Variants in FCSK observed in about 807,000 individuals in gnomAD.
FCSK encodes fucose kinase, also known as L-fucose kinase.
A neutral mutation model predicts 122.5 loss-of-function variants in FCSK; 123 were observed. The ratio of observed to expected loss-of-function variants is 1.00; its 90% CI spans 0.87 to 1.17. FCSK has a LOEUF of 1.17. FCSK is among the 50% of genes most tolerant of loss of function. The pLI, the probability that FCSK is intolerant of heterozygous loss-of-function variation, is 0.00. For synonymous variants in FCSK, 620 were observed against 625.5 expected (o/e 0.99, Z 0.13); for missense variants, 1,366 against 1,450.4 (o/e 0.94, Z 0.95).
chr16:70,471,461 C>T (rs2048617013), intron 13 of FCSK, 109 bp downstream of exon 13: 4 of 1,178,084 alleles, frequency 3.4e-6, no homozygotes, highest in Non-Finnish European at 3.5e-6. Context: ...GCCCGTGGGA[C>T]AGGCTGTGAG....
chr16:70,474,677 C>G lies in FCSK; in HGVS notation c.2138C>G (p.Ala713Gly), dbSNP rs752968614. The change falls in exon 17 of 24, where the codon GCC becomes GGC. Residue 713 changes from alanine to glycine, a missense_variant. Ala to Gly is a moderately conservative substitution (Grantham distance 60, BLOSUM62 0). Coordinates refer to ENST00000288078, the MANE Select transcript of FCSK (RefSeq NM_145059.3). ...PGQWVVAECP[A>G]RVDFSGGWSD... is the part of the protein sequence containing the mutation. ...CAGTGGGTGGTGGCTGAGTGCCCGGCCCGTGTGGATTTCTCTGGTGAGCCC... is the reference window on the plus strand; with the variant it reads ...CAGTGGGTGGTGGCTGAGTGCCCGGGCCGTGTGGATTTCTCTGGTGAGCCC... 2.7e-5 allele frequency: 43 copies of G among 1,601,050 alleles called. No homozygotes were observed. Among genetic ancestry groups the G allele is most frequent in the Non-Finnish European group, 3.7e-5 (43 of 1,174,464 alleles).
chr16:70,460,588 A>G (rs1375430512), intron 1 of FCSK, among the ~76,000 whole-genome samples: 1 of 151,738 alleles, frequency 6.6e-6, no homozygotes, highest in Non-Finnish European at 1.5e-5. Flanking sequence ...TATTTTTATT[A>G]GAGACGGGGT....
rs1184678664 is a variant in FCSK, at chr16:70,468,845, C to A, written c.664-4C>A. 1 of 1,613,904 alleles carries A rather than the reference C, an allele frequency of 6.2e-7. No individual in the cohort carries two copies. Among genetic ancestry groups the A allele is most frequent in the Non-Finnish European group, 8.5e-7 (1 of 1,180,000 alleles). Reference sequence around the variant, plus strand: ...ATCTCTGATCCTTTTGGGGTCCCTTCCAGGTCTCTGGGGTTGTCTTCTTCT... The same window carrying A: ...ATCTCTGATCCTTTTGGGGTCCCTTACAGGTCTCTGGGGTTGTCTTCTTCT... On this transcript the variant is annotated splice_region_variant and splice_polypyrimidine_tract_variant and intron_variant, in intron 8 of 23. Coordinates refer to ENST00000288078, the MANE Select transcript of FCSK (RefSeq NM_145059.3).
chr16:70,467,389 G>GCTTCCGGGGAGCCAGAGTGATCGCC lies in FCSK; in HGVS notation c.503_527dup (p.Pro180GlnfsTer21), dbSNP rs763472309. 8 of 1,609,468 alleles carry GCTTCCGGGGAGCCAGAGTGATCGCC rather than the reference G, an allele frequency of 5.0e-6. No homozygotes were observed. Among genetic ancestry groups the GCTTCCGGGGAGCCAGAGTGATCGCC allele is most frequent in the Non-Finnish European group, 4.2e-6 (5 of 1,178,354 alleles). On this transcript the variant is annotated frameshift_variant, in exon 7 of 24. Coordinates refer to ENST00000288078, the MANE Select transcript of FCSK (RefSeq NM_145059.3). LOFTEE classifies it high-confidence loss of function. ...CACCCCACAGGTATCAGCTGGGACA[G>GCTTCCGGGGAGCCAGAGTGATCGCC]CTTCCGGGGAGCCAGAGTGATCGCC...
intron 1 of FCSK, among the ~76,000 whole-genome samples, chr16:70,457,263 CT>C (rs995412964): frequency 3.1e-4 from 47 of 151,832 alleles, no homozygotes; most frequent in African/African-American, 1.1e-3. Context: ...TGGGGCATTT[CT>C]TTTTTTTCTT....
intron 20 of FCSK, chr16:70,477,577 C>T (rs996116583): frequency 6.6e-6 from 1 of 152,206 alleles, no homozygotes; most frequent in Non-Finnish European, 1.5e-5. Context: ...AAGAGAAAAA[C>T]AGATCCTGAT....
At chr16:70,472,676 C>G (rs931783572) in intron 14 of FCSK, 71 bp downstream of exon 14, 8 of 1,237,208 alleles carry the variant, frequency 6.5e-6, no homozygotes, top group African/African-American at 6.0e-5. Context: ...TGAGGTGTGT[C>G]CCTCCCCTGC....
rs930592464 is a variant in FCSK, at chr16:70,461,395, C to T, written c.-22-1774C>T. Among the ~76,000 whole-genome samples, 16 of 148,382 alleles carry T rather than the reference C, an allele frequency of 1.1e-4. 1 individual carries two copies. Among genetic ancestry groups the T allele is most frequent in the Admixed American group, 2.0e-4 (3 of 14,776 alleles). On this transcript the variant is annotated intron_variant, in intron 1 of 23. Transcript: ENST00000288078. ...TGGGTACTCCTGGGGGACTCGGTCT[C>T]GGGGAGGCCAGGGGCTCAGGAGTCA...
intron 11 of FCSK, 103 bp from the exon 12 acceptor site, chr16:70,470,868 C>A: frequency 1.0e-6 from 1 of 972,786 alleles, no homozygotes; most frequent in Non-Finnish European, 1.5e-6. Context: ...GGCAGGGGAG[C>A]AGTAGGCCTG....
chr16:70,479,546 C>A (rs368730786), intron 23 of FCSK, 33 bp from the exon 24 acceptor site: 3 of 1,591,234 alleles, frequency 1.9e-6, no homozygotes, highest in Non-Finnish European at 2.6e-6. Flanking sequence ...GAGATTTGTC[C>A]AGAGCCTTCT....
At chr16:70,463,546 A>T in intron 2 of FCSK, 77 bp from the exon 3 acceptor site, 1 of 1,560,304 alleles carries the variant, frequency 6.4e-7, no homozygotes, top group Non-Finnish European at 8.7e-7. Flanking sequence ...AACACTGATG[A>T]TCAGTAGGCT....
At chr16:70,459,086 G>A (rs2048181679) in intron 1 of FCSK, among the ~76,000 whole-genome samples, 1 of 151,994 alleles carries the variant, frequency 6.6e-6, no homozygotes, top group African/African-American at 2.4e-5. Context: ...AGCTAGGCAT[G>A]GTGGCATGTG....
At chr16:70,468,185 G>A (rs2048485931) in intron 8 of FCSK, among the ~76,000 whole-genome samples, 1 of 152,238 alleles carries the variant, frequency 6.6e-6, no homozygotes, top group South Asian at 2.1e-4. Context: ...ACTTTAGGAG[G>A]CTGAGGCGGG....
rs376683810 is a variant in FCSK at position 70,467,374 on chromosome 16, G to A, written c.485G>A (p.Gly162Asp). The A allele has an allele frequency of 1.9e-6, 3 of 1,605,056 alleles. No individual in the cohort carries two copies. Among genetic ancestry groups the A allele is most frequent in the Middle Eastern group, 1.7e-4 (1 of 6,028 alleles). Residue 162 changes from glycine to aspartate, a missense_variant and splice_region_variant, in exon 7 of 24, where the codon GGT becomes GAT. Gly to Asp is a moderately conservative substitution (Grantham distance 94, BLOSUM62 -1). Coordinates refer to ENST00000288078, the MANE Select transcript of FCSK (RefSeq NM_145059.3). ...GCCTCCTGACTGCCCCACCCCACAG[G>A]TATCAGCTGGGACAGCTTCCGGGGA... ...DMLLSVPANP[G>D]ISWDSFRGAR...
At chr16:70,454,804 A>C (rs2048037641) in intron 1 of FCSK, 174 bp downstream of exon 1, 1 of 152,116 alleles carries the variant, frequency 6.6e-6, no homozygotes, top group Non-Finnish European at 1.5e-5. Context: ...GGGAGCCCAC[A>C]GGTGTTTCTA....
Position 70,462,551 on chromosome 16 carries a change from C to T in FCSK, c.-22-618C>T, listed in dbSNP as rs549790384. 1.1e-3 allele frequency among the ~76,000 whole-genome samples: 163 copies of T among 152,286 alleles called. 1 individual carries two copies. Among genetic ancestry groups the T allele is most frequent in the Non-Finnish European group, 1.9e-3 (128 of 68,028 alleles). ...ATGTTGGCCAGGCTGGTCTCGAACT[C>T]CTGACCTCAGGTGATCTGTCCACCT... On this transcript the variant is annotated intron_variant, in intron 1 of 23. Transcript: ENST00000288078.
intron 8 of FCSK, 63 bp from the exon 9 acceptor site, chr16:70,468,786 C>G: frequency 6.2e-7 from 1 of 1,603,516 alleles, no homozygotes; most frequent in Non-Finnish European, 8.5e-7. Context: ...TGTGCCCTCC[C>G]TGACTTGTAC....
chr16:70,475,202 T>C lies in FCSK; in HGVS notation c.2378-148T>C, dbSNP rs2048766066. 5.8e-6 allele frequency: 6 copies of C among 1,041,728 alleles called. No individual in the cohort carries two copies. The East Asian group carries it at 1.6e-4, about 27-fold the overall frequency. 64.5% of individuals were successfully genotyped at this position (1,041,728 alleles called of 1,614,324 possible). Reference sequence around the variant, plus strand: ...TCCCTGTCTGGGAGCCCAGAGGCCCTTTTGTGGCTTGGGGATGGGGCCAGT... The same window carrying C: ...TCCCTGTCTGGGAGCCCAGAGGCCCCTTTGTGGCTTGGGGATGGGGCCAGT... On this transcript the variant is annotated intron_variant, in intron 18 of 23. Coordinates refer to ENST00000288078, the MANE Select transcript of FCSK (RefSeq NM_145059.3).
chr16:70,456,081 A>G (rs754405777), intron 1 of FCSK, among the ~76,000 whole-genome samples: 4 of 152,140 alleles, frequency 2.6e-5, no homozygotes, highest in Non-Finnish European at 5.9e-5. Context: ...CTGGGATGGG[A>G]GGATCGCTGG....
Sources: gnomAD v4.1 joint callset for allele counts (sites outside exome capture counted in the v4.1 genomes callset) on GRCh38, gnomAD v4.1.1 for gene constraint, MANE v1.5 for transcripts, NCBI Gene and HGNC (gene_info 2026-07-23, HGNC 2026-07-21) for gene names.